Variants in EFL1 observed in about 807,000 individuals in gnomAD.
EFL1 encodes elongation factor-like GTPase 1.
Under a neutral mutation model 126.7 loss-of-function variants are expected in EFL1, and 76 were observed. That is an observed-to-expected ratio of 0.60 (90% CI 0.50 to 0.73). The LOEUF (loss-of-function observed/expected upper bound fraction) is 0.73, where lower values mean the gene tolerates loss of function less well. Ranked by LOEUF, EFL1 falls within the 30% of genes least tolerant of loss-of-function variation. The probability of loss-of-function intolerance (pLI) is 0.00; values close to 1 mark genes in which losing one functional copy is unlikely to be tolerated. For synonymous variants in EFL1, 410 were observed against 448.4 expected (o/e 0.91, Z 1.08); for missense variants, 1,128 against 1,343.2 (o/e 0.84, Z 2.50).
At chr15:82,167,546 T>C (rs573862720) in intron 15 of EFL1, among the ~76,000 whole-genome samples, 25 of 152,312 alleles carry the variant, frequency 1.6e-4, no homozygotes, top group Admixed American at 1.0e-3. Flanking sequence ...AAAAAAATTG[T>C]GTGAGGCTTG....
intron 15 of EFL1, among the ~76,000 whole-genome samples, chr15:82,187,869 A>T (rs537894032): frequency 1.3e-5 from 2 of 152,074 alleles, no homozygotes; most frequent in South Asian, 2.1e-4. Context: ...TTATTCTATC[A>T]TTATTCTTTG....
chr15:82,134,169 C>T (rs1403856664), intron 19 of EFL1, among the ~76,000 whole-genome samples: 2 of 152,166 alleles, frequency 1.3e-5, no homozygotes, highest in African/African-American at 4.8e-5. Flanking sequence ...TGTGGACAGC[C>T]TGAAGCCACT....
At chr15:82,208,411 T>C (rs762764816) in intron 15 of EFL1, among the ~76,000 whole-genome samples, 3 of 152,204 alleles carry the variant, frequency 2.0e-5, no homozygotes, top group African/African-American at 4.8e-5. Flanking sequence ...AAACTTTTAA[T>C]GTTATTTGAA....
chr15:82,169,672 T>C (rs1294149448), intron 15 of EFL1, among the ~76,000 whole-genome samples: 1 of 152,202 alleles, frequency 6.6e-6, no homozygotes, highest in Non-Finnish European at 1.5e-5. Context: ...TTCATTTTGC[T>C]TCTATTTTTT....
chr15:82,195,493 G>T (rs370535420), intron 15 of EFL1, among the ~76,000 whole-genome samples: 10 of 152,192 alleles, frequency 6.6e-5, no homozygotes, highest in East Asian at 5.8e-4. Context: ...CAGTGAACAT[G>T]AGAATCAACG....
chr15:82,258,991 T>C, intron 3 of EFL1, 97 bp downstream of exon 3: 1 of 1,112,052 alleles, frequency 9.0e-7, no homozygotes, highest in Non-Finnish European at 1.3e-6. Context: ...TTATGTTTTA[T>C]ACCCTTTTGG....
rs773102605 is a variant in EFL1, at chr15:82,229,110, C to T, written c.856G>A (p.Ala286Thr). 5 of 1,608,668 alleles carry T rather than the reference C, an allele frequency of 3.1e-6. No homozygotes were observed. Among genetic ancestry groups the T allele is most frequent in the South Asian group, 1.1e-5 (1 of 90,042 alleles). ...ACAAATAAAGGTTTCTTTCCTTTGG[C>T]CTGTACAAAAGAACATACGGGCTTA... ...KAKKIMKGDQ[A>T]KGKKPLFVQL... The change falls in exon 9 of 20, where the codon GCC becomes ACC. Residue 286 changes from alanine to threonine, a missense_variant and splice_region_variant. This residue lies in a region of EFL1 where 316 missense variants were observed against 318.5 expected (regional missense o/e 0.99). Transcript: ENST00000268206.
At chr15:82,134,376 T>TC (rs1185214291) in intron 19 of EFL1, among the ~76,000 whole-genome samples, 1 of 151,962 alleles carries the variant, frequency 6.6e-6, no homozygotes, top group Non-Finnish European at 1.5e-5. Context: ...AGGTGCTTTT[T>TC]TTTTTTCCCT....
chr15:82,251,446 C>A (rs1235910912), intron 4 of EFL1, among the ~76,000 whole-genome samples: 1 of 152,080 alleles, frequency 6.6e-6, no homozygotes, highest in Non-Finnish European at 1.5e-5. Flanking sequence ...GGACTAGAGA[C>A]AAAGTATAGA....
At chr15:82,136,651 C>A (rs941080720) in intron 19 of EFL1, among the ~76,000 whole-genome samples, 1 of 152,166 alleles carries the variant, frequency 6.6e-6, no homozygotes, top group African/African-American at 2.4e-5. Context: ...TCAGGCACTG[C>A]CTTTTAAAAC....
At chr15:82,176,747 C>T (rs1180536626) in intron 15 of EFL1, among the ~76,000 whole-genome samples, 2 of 152,210 alleles carry the variant, frequency 1.3e-5, no homozygotes, top group Non-Finnish European at 2.9e-5. Flanking sequence ...TAAGCTTGAG[C>T]ATATGCCTAC....
At chr15:82,252,339 T>C (rs1163882014) in intron 4 of EFL1, among the ~76,000 whole-genome samples, 3 of 152,248 alleles carry the variant, frequency 2.0e-5, no homozygotes, top group Non-Finnish European at 4.4e-5. Flanking sequence ...CACGGCAGTC[T>C]ACCTTTAATC....
intron 11 of EFL1, among the ~76,000 whole-genome samples, chr15:82,226,458 T>G (rs183038584): frequency 6.6e-6 from 1 of 152,310 alleles, no homozygotes; most frequent in East Asian, 1.9e-4. Flanking sequence ...GACTGGATGT[T>G]GGAGTGTGAG....
chr15:82,230,550 C>T (rs1431509238), intron 8 of EFL1, among the ~76,000 whole-genome samples: 3 of 151,802 alleles, frequency 2.0e-5, no homozygotes, highest in Non-Finnish European at 4.4e-5. Context: ...ATGCACAGCA[C>T]AAAATGTGTG....
At chr15:82,235,150 C>T (rs929588027) in intron 7 of EFL1, among the ~76,000 whole-genome samples, 3 of 152,128 alleles carry the variant, frequency 2.0e-5, no homozygotes, top group African/African-American at 7.2e-5. Flanking sequence ...ATCAACTCTG[C>T]CTCTTAGCAG....
chr15:82,139,443 T>C (rs1335204833), intron 18 of EFL1, among the ~76,000 whole-genome samples: 2 of 152,246 alleles, frequency 1.3e-5, no homozygotes, highest in East Asian at 3.8e-4. Context: ...TAACAATTTC[T>C]AGTGCCACAG....
intron 15 of EFL1, among the ~76,000 whole-genome samples, chr15:82,170,327 G>A (rs2074122038): frequency 6.6e-6 from 1 of 151,682 alleles, no homozygotes; most frequent in African/African-American, 2.4e-5. Context: ...TTTTAGCCAG[G>A]ATGGTCTCGA....
intron 17 of EFL1, 74 bp from the exon 18 acceptor site, chr15:82,152,497 T>C: frequency 8.0e-7 from 1 of 1,246,722 alleles, no homozygotes; most frequent in East Asian, 2.4e-5. Flanking sequence ...TAGAAATTAC[T>C]ACACAGTGGA....
chr15:82,146,340 A>T (rs2073845573), intron 18 of EFL1, among the ~76,000 whole-genome samples: 1 of 152,214 alleles, frequency 6.6e-6, no homozygotes, highest in Non-Finnish European at 1.5e-5. Context: ...AACAACAGTC[A>T]GCAAAGTCTG....
Sources: gnomAD v4.1 joint callset for allele counts (sites outside exome capture counted in the v4.1 genomes callset) on GRCh38, gnomAD v4.1.1 for gene constraint, gnomAD v4.1.1 regional missense constraint, MANE v1.5 for transcripts, NCBI Gene and HGNC (gene_info 2026-07-23, HGNC 2026-07-21) for gene names.